Variants in SMAD9 observed in about 807,000 individuals in gnomAD.
SMAD9 encodes the protein SMAD family member 9.
A neutral mutation model predicts 46.1 loss-of-function variants in SMAD9; 36 were observed. That is an observed-to-expected ratio of 0.78 (90% CI 0.60 to 1.03). The LOEUF (loss-of-function observed/expected upper bound fraction) is 1.03, where lower values mean the gene tolerates loss of function less well. Ranked by LOEUF, SMAD9 falls within the 50% of genes least tolerant of loss-of-function variation. The pLI is 0.00. For missense variants in SMAD9, 572 were observed against 599.8 expected (o/e 0.95, Z 0.48); for synonymous variants, 245 against 237.1 (o/e 1.03, Z -0.31).
At chr13:36,891,589 G>T (rs2058489409) in intron 1 of SMAD9, among the ~76,000 whole-genome samples, 1 of 152,192 alleles carries the variant, frequency 6.6e-6, no homozygotes, top group African/African-American at 2.4e-5. Flanking sequence ...GGCCAGGCCA[G>T]AAGTAATGTA....
chr13:36,887,013 A>G (rs2058451019), intron 1 of SMAD9, among the ~76,000 whole-genome samples: 1 of 150,910 alleles, frequency 6.6e-6, no homozygotes, highest in South Asian at 2.1e-4. Context: ...GGTTTTATCT[A>G]AAGTGCAAAG....
chr13:36,898,801 T>C (rs112088451), intron 1 of SMAD9, among the ~76,000 whole-genome samples: 5 of 152,210 alleles, frequency 3.3e-5, no homozygotes, highest in African/African-American at 4.8e-5. Context: ...CTACAACCTA[T>C]AGCTAACATA....
Position 36,879,270 on chromosome 13 carries a change from CGACCCACCTG to C in SMAD9, c.410_412+7del. ...AAAATAAACCTTGACGTCGTAAAGACGACCCACCTGGAGTCTCCACCCGGCGGTAGTGGTA... is the reference window on the plus strand; with the variant it reads ...AAAATAAACCTTGACGTCGTAAAGACGAGTCTCCACCCGGCGGTAGTGGTA... On this transcript the variant is annotated splice_donor_variant and splice_donor_5th_base_variant and coding_sequence_variant and intron_variant, in exon 2 of 7. Transcript: ENST00000379826. LOFTEE classifies it high-confidence loss of function. 6.2e-7 allele frequency: 1 copy of C among 1,613,460 alleles called. No homozygotes were observed. The highest frequency in any genetic ancestry group is 1.1e-5 in the South Asian group (1 of 91,062).
chr13:36,896,005 T>G (rs896283204), intron 1 of SMAD9, among the ~76,000 whole-genome samples: 1 of 152,186 alleles, frequency 6.6e-6, no homozygotes, highest in African/African-American at 2.4e-5. Context: ...CAAAATAGAT[T>G]TGAAAAGACT....
intron 1 of SMAD9, among the ~76,000 whole-genome samples, chr13:36,912,833 C>A (rs1350877786): frequency 6.6e-6 from 1 of 152,180 alleles, no homozygotes; most frequent in Non-Finnish European, 1.5e-5. Flanking sequence ...CTTGACAAGA[C>A]TAACTAAAAA....
intron 1 of SMAD9, among the ~76,000 whole-genome samples, chr13:36,893,907 T>A (rs528571480): frequency 3.9e-5 from 6 of 152,108 alleles, no homozygotes; most frequent in Non-Finnish European, 8.8e-5. Context: ...ATTCCATAAT[T>A]TTTATAAGTG....
chr13:36,858,157 C>T (rs1056342538), intron 5 of SMAD9, among the ~76,000 whole-genome samples: 4 of 152,126 alleles, frequency 2.6e-5, no homozygotes, highest in Non-Finnish European at 5.9e-5. Context: ...ATTCCCCTCT[C>T]TGTTTTCCTA....
chr13:36,884,221 G>A (rs1387355709), intron 1 of SMAD9, among the ~76,000 whole-genome samples: 1 of 152,120 alleles, frequency 6.6e-6, no homozygotes, highest in East Asian at 1.9e-4. Context: ...CCAGCTACTT[G>A]TTTCATTTTA....
chr13:36,913,051 T>C (rs1275068015), intron 1 of SMAD9, among the ~76,000 whole-genome samples: 2 of 152,260 alleles, frequency 1.3e-5, no homozygotes, highest in Non-Finnish European at 2.9e-5. Flanking sequence ...TACTATACTG[T>C]AAATGCTATG....
intron 5 of SMAD9, 99 bp downstream of exon 5, chr13:36,865,438 G>T: frequency 1.0e-6 from 1 of 959,210 alleles, no homozygotes; most frequent in Non-Finnish European, 1.7e-6. Context: ...TTCCACAGGG[G>T]CACATGACCA....
chr13:36,916,761 G>C (rs533801800), intron 1 of SMAD9, among the ~76,000 whole-genome samples: 20 of 151,720 alleles, frequency 1.3e-4, no homozygotes, highest in Admixed American at 2.6e-4. Context: ...AGCCACAGGA[G>C]CTCGAAGGAG....
At chr13:36,913,671 C>T (rs1033413438) in intron 1 of SMAD9, among the ~76,000 whole-genome samples, 3 of 152,146 alleles carry the variant, frequency 2.0e-5, no homozygotes, top group African/African-American at 7.2e-5. Context: ...TTTGTGTAAA[C>T]ATATAGTCAA....
intron 2 of SMAD9, among the ~76,000 whole-genome samples, chr13:36,874,790 G>A (rs1384312927): frequency 8.7e-5 from 13 of 149,148 alleles, no homozygotes; most frequent in Admixed American, 3.4e-4. Context: ...CCCAGGAGGC[G>A]GAGCTTGCAG....
At chr13:36,872,547 T>A in intron 3 of SMAD9, 111 bp downstream of exon 3, 1 of 1,270,568 alleles carries the variant, frequency 7.9e-7, no homozygotes, top group Non-Finnish European at 1.1e-6. Context: ...TGTAAACTGT[T>A]TATACTATAT....
chr13:36,883,856 G>A (rs749848285), intron 1 of SMAD9, among the ~76,000 whole-genome samples: 4 of 152,144 alleles, frequency 2.6e-5, no homozygotes, highest in South Asian at 2.1e-4. Context: ...TAAGAAAATC[G>A]TGTATCCCTG....
intron 1 of SMAD9, among the ~76,000 whole-genome samples, chr13:36,884,853 C>T (rs149233792): frequency 2.5e-3 from 381 of 152,306 alleles, no homozygotes; most frequent in Non-Finnish European, 2.6e-3. Flanking sequence ...CCTTCACGGG[C>T]ACTGCTTTTG....
intron 5 of SMAD9, among the ~76,000 whole-genome samples, chr13:36,857,177 G>A (rs1190900470): frequency 6.6e-6 from 1 of 150,378 alleles, no homozygotes; most frequent in Non-Finnish European, 1.5e-5. Flanking sequence ...CATTCTGACA[G>A]TTCTGTATGA....
At chr13:36,873,486 T>C (rs558469752) in intron 2 of SMAD9, among the ~76,000 whole-genome samples, 10 of 152,202 alleles carry the variant, frequency 6.6e-5, no homozygotes, top group Non-Finnish European at 1.5e-4. Context: ...CTATGTGTCC[T>C]TAATGGAAAG....
chr13:36,917,820 C>T (rs2058710438), intron 1 of SMAD9, among the ~76,000 whole-genome samples: 1 of 152,206 alleles, frequency 6.6e-6, no homozygotes, highest in African/African-American at 2.4e-5. Flanking sequence ...ACGGTGCTCA[C>T]TTACGAAACA....
Sources: allele counts gnomAD v4.1 joint callset (sites outside exome capture counted in the v4.1 genomes callset), GRCh38; gene constraint gnomAD v4.1.1; transcripts MANE v1.5; gene names NCBI Gene and HGNC (gene_info 2026-07-23, HGNC 2026-07-21).